The following VPS41 variants were observed in gnomAD, a reference collection of about 807,000 sequenced individuals.
The protein encoded by VPS41 is vacuolar protein sorting-associated protein 41 homolog.
VPS41 carries 85 observed loss-of-function variants against 130.9 expected under a neutral mutation model. That is an observed-to-expected ratio of 0.65 (90% confidence interval 0.55 to 0.78). The LOEUF is 0.78. Ranked by LOEUF, VPS41 falls within the 30% of genes least tolerant of loss-of-function variation. VPS41 has a pLI of 0.00. For synonymous variants in VPS41, 335 were observed against 332.9 expected, an observed-to-expected ratio of 1.01 and a Z score of -0.07; for missense variants, 874 against 1,018.7, an observed-to-expected ratio of 0.86 and a Z score of 1.93.
At position 38,745,614 on chromosome 7, in the gene VPS41, C is replaced by T. The variant is rs1302064914; in HGVS notation, c.1927-1G>A. 1 of 1,600,642 alleles carries T rather than the reference C, an allele frequency of 6.2e-7. No homozygotes were observed. Among genetic ancestry groups the T allele is most frequent in the Non-Finnish European group, 8.5e-7 (1 of 1,176,066 alleles). ...TTCTCTGTTGACAGATCTCAAGAGC[C>T]TTCAATTAAAGCAGGGTAAAAATGT... On this transcript the variant is annotated splice_acceptor_variant, in intron 22 of 28. Coordinates refer to ENST00000310301, the MANE Select transcript of VPS41 (RefSeq NM_014396.4). LOFTEE classifies it high-confidence loss of function.
At chr7:38,856,906 T>C (rs566966824) in intron 4 of VPS41, among the ~76,000 whole-genome samples, 2 of 152,174 alleles carry the variant, frequency 1.3e-5, no homozygotes, top group East Asian at 3.9e-4. Context: ...CAGATAAAAA[T>C]TACTAGAGAG....
chr7:38,756,638 A>G (rs1446948457), intron 19 of VPS41, among the ~76,000 whole-genome samples, 200 bp downstream of exon 19: 9 of 152,228 alleles, frequency 5.9e-5, no homozygotes, highest in Admixed American at 6.5e-5. Context: ...TCACAGAATA[A>G]CTACATTATG....
chr7:38,903,707 T>C (rs1361224530), intron 1 of VPS41, among the ~76,000 whole-genome samples: 2 of 151,996 alleles, frequency 1.3e-5, no homozygotes, highest in African/African-American at 2.4e-5. Context: ...AAGGAGGAAA[T>C]ATTTTGTGTG....
intron 9 of VPS41, among the ~76,000 whole-genome samples, chr7:38,791,437 G>T (rs1027773672): frequency 7.2e-5 from 11 of 152,138 alleles, no homozygotes; most frequent in African/African-American, 2.7e-4. Context: ...CTGAGTTAAG[G>T]CCTTTGTGAA....
chr7:38,752,514 G>T (rs1243920840), intron 21 of VPS41, among the ~76,000 whole-genome samples: 5 of 152,028 alleles, frequency 3.3e-5, no homozygotes, highest in Non-Finnish European at 7.4e-5. Flanking sequence ...CTCTAGAAGG[G>T]CCCCAAAACC....
intron 1 of VPS41, among the ~76,000 whole-genome samples, chr7:38,902,833 A>G (rs1164717106): frequency 6.6e-6 from 1 of 152,138 alleles, no homozygotes; most frequent in Non-Finnish European, 1.5e-5. Context: ...CTCTCTCTTC[A>G]ATATCAGAGC....
At chr7:38,864,507 T>A (rs1786186048) in intron 3 of VPS41, among the ~76,000 whole-genome samples, 1 of 152,206 alleles carries the variant, frequency 6.6e-6, no homozygotes, top group African/African-American at 2.4e-5. Flanking sequence ...CATTATCAGA[T>A]TAGATAAATT....
chr7:38,785,263 AG>A (rs1289714252), intron 10 of VPS41, among the ~76,000 whole-genome samples: 1 of 152,222 alleles, frequency 6.6e-6, no homozygotes, highest in Non-Finnish European at 1.5e-5. Context: ...GGCTGTGCTA[AG>A]AAGCAGACAC....
chr7:38,869,283 C>G, intron 2 of VPS41, 30 bp from the exon 3 acceptor site: 2 of 1,493,310 alleles, frequency 1.3e-6, no homozygotes, highest in Non-Finnish European at 1.9e-6. Context: ...AAATGACACC[C>G]GTCAGAGATT....
intron 3 of VPS41, among the ~76,000 whole-genome samples, chr7:38,867,785 G>A (rs1298016909): frequency 1.3e-5 from 2 of 152,162 alleles, no homozygotes; most frequent in Admixed American, 6.5e-5. Flanking sequence ...TTACCTAGGT[G>A]TGTGAGTCTA....
chr7:38,902,821 C>T (rs1787174155), intron 1 of VPS41, among the ~76,000 whole-genome samples: 1 of 152,222 alleles, frequency 6.6e-6, no homozygotes, highest in South Asian at 2.1e-4. Context: ...TGAGGACATT[C>T]ACTCTCTCTT....
chr7:38,805,426 G>A (rs573764583), intron 7 of VPS41, among the ~76,000 whole-genome samples: 128 of 152,096 alleles, frequency 8.4e-4, no homozygotes, highest in Admixed American at 3.0e-3. Context: ...CCAGCTACTC[G>A]GGAGGCTGAG....
chr7:38,818,529 C>T (rs936652818), intron 6 of VPS41, among the ~76,000 whole-genome samples: 1 of 152,192 alleles, frequency 6.6e-6, no homozygotes, highest in African/African-American at 2.4e-5. Context: ...GCTCCACCAC[C>T]CTTGTTACTG....
chr7:38,804,935 T>C (rs1784810122), intron 7 of VPS41, among the ~76,000 whole-genome samples: 1 of 152,264 alleles, frequency 6.6e-6, no homozygotes, highest in African/African-American at 2.4e-5. Context: ...ACGTTGAGTC[T>C]GTTTTTCAGT....
At chr7:38,873,830 C>T (rs1447601875) in intron 2 of VPS41, among the ~76,000 whole-genome samples, 1 of 152,124 alleles carries the variant, frequency 6.6e-6, no homozygotes, top group African/African-American at 2.4e-5. Flanking sequence ...ATAAATGTCA[C>T]ATCATGGTCA....
At chr7:38,805,724 G>C (rs1784827690) in intron 7 of VPS41, among the ~76,000 whole-genome samples, 1 of 152,190 alleles carries the variant, frequency 6.6e-6, no homozygotes, top group Non-Finnish European at 1.5e-5. Context: ...GGAAGTGGCA[G>C]AACTGATGGT....
chr7:38,758,147 TG>T (rs1275706156), intron 18 of VPS41, among the ~76,000 whole-genome samples: 4 of 152,180 alleles, frequency 2.6e-5, no homozygotes, highest in Admixed American at 1.3e-4. Context: ...TTCTCTTCTC[TG>T]GGAAACAGAT....
intron 3 of VPS41, among the ~76,000 whole-genome samples, chr7:38,863,409 G>A (rs1165853465): frequency 6.6e-6 from 1 of 152,058 alleles, no homozygotes; most frequent in Non-Finnish European, 1.5e-5. Context: ...CATTGCATGT[G>A]AGCATGCTTC....
chr7:38,843,767 T>C (rs965662816), intron 4 of VPS41, among the ~76,000 whole-genome samples: 3 of 152,186 alleles, frequency 2.0e-5, no homozygotes, highest in Admixed American at 1.3e-4. Context: ...GAAGCTGCTG[T>C]TTCTACAGAT....
Sources: allele counts gnomAD v4.1 joint callset (sites outside exome capture counted in the v4.1 genomes callset), GRCh38; gene constraint gnomAD v4.1.1; transcripts MANE v1.5; gene names NCBI Gene and HGNC (gene_info 2026-07-23, HGNC 2026-07-21).